The following CRYBA4 variants were observed in gnomAD, a reference collection of about 807,000 sequenced individuals.
CRYBA4 encodes beta-crystallin A4.
In CRYBA4, 30 loss-of-function variants were observed where a neutral mutation model predicts 31.7. The ratio of observed to expected loss-of-function variants is 0.95; its 90% CI spans 0.71 to 1.28. The LOEUF is 1.28. Among genes scored for constraint, CRYBA4 ranks in the 50% most tolerant of loss-of-function variants. The pLI, the probability that CRYBA4 is intolerant of heterozygous loss-of-function variation, is 0.00. For synonymous variants in CRYBA4, 102 were observed against 102.3 expected (o/e 1.00, Z 0.02); for missense variants, 225 against 260.7 (o/e 0.86, Z 0.94).
At chr22:26,610,063 C>A in the CRYBA4 span, among the ~76,000 whole-genome samples, 1 of 152,192 alleles carries the variant, frequency 6.6e-6, no homozygotes, top group Non-Finnish European at 1.5e-5. Context: ...CCAAGTCCCC[C>A]TAAAATCTCC....
the CRYBA4 span, among the ~76,000 whole-genome samples, chr22:26,605,627 C>T: frequency 7.5e-6 from 1 of 133,622 alleles, no homozygotes; most frequent in Non-Finnish European, 1.5e-5. Context: ...TGAGCCAGAA[C>T]GTGCCACTAC....
chr22:26,600,389 G>C, the CRYBA4 span, among the ~76,000 whole-genome samples: 1 of 151,734 alleles, frequency 6.6e-6, no homozygotes, highest in Non-Finnish European at 1.5e-5. Flanking sequence ...GGGACAGAGC[G>C]AGACTCCATC....
At chr22:26,606,203 G>A in the CRYBA4 span, among the ~76,000 whole-genome samples, 3 of 152,136 alleles carry the variant, frequency 2.0e-5, no homozygotes, top group Non-Finnish European at 4.4e-5. Context: ...TAGCAGTGCC[G>A]GAGTTCCAGC....
At chr22:26,599,277 G>C in the CRYBA4 span, 1 of 584,332 alleles carries the variant, frequency 1.7e-6, no homozygotes, top group South Asian at 2.1e-5. Context: ...CAGGCAGAAA[G>C]AACTTTTCAG....
In CRYBA4 at chr22:26,625,502, T is replaced by C; in HGVS notation, c.180T>C (p.Ala60=). The stretch of plus-strand genomic sequence containing the variant: ...GCAGGTGGGTGGGCTTTGAGCATGC[T>C]GGCTTCCAAGGGCAGCAGTACATTC... ...LSGAWVGFEH[A]GFQGQQYILE... is the part of the protein sequence containing the mutation. The change falls in exon 4 of 6, where the codon GCT becomes GCC. Residue 60 remains alanine, a synonymous_variant. Coordinates refer to ENST00000354760, the MANE Select transcript of CRYBA4 (RefSeq NM_001886.3). 1 of 1,614,040 alleles carries C rather than the reference T, an allele frequency of 6.2e-7. No individual in the cohort carries two copies. The highest frequency in any genetic ancestry group is 8.5e-7 in the Non-Finnish European group (1 of 1,180,024).
chr22:26,591,340 A>C, the CRYBA4 span, among the ~76,000 whole-genome samples: 2 of 151,772 alleles, frequency 1.3e-5, no homozygotes, highest in Non-Finnish European at 2.9e-5. Flanking sequence ...GTGTGGTGGT[A>C]CATGCCTGTA....
chr22:26,627,386 TTCTTTC>T (rs1260157748), intron 4 of CRYBA4, among the ~76,000 whole-genome samples: 2 of 81,524 alleles, frequency 2.5e-5, no homozygotes, highest in Non-Finnish European at 4.1e-5. Context: ...CTTTCTTTCT[TTCTTTC>T]TTTCTTTCTT....
At chr22:26,593,659 G>A in the CRYBA4 span, among the ~76,000 whole-genome samples, 10 of 152,068 alleles carry the variant, frequency 6.6e-5, no homozygotes, top group Admixed American at 3.3e-4. Context: ...TTGAGTATCT[G>A]GGATTACAAG....
In CRYBA4 at chr22:26,628,350, G is replaced by C. The variant is rs1339440045; in HGVS notation, c.363G>C (p.Glu121Asp). The change falls in exon 5 of 6, where the codon GAG (glutamate) becomes GAC (aspartate). Residue 121 changes from glutamate (E) to aspartate (D), a missense_variant. Glu to Asp is a conservative substitution (Grantham distance 45). Transcript: ENST00000354760. ...AGAACTTCCTGGGCAAGAAAGGAGA[G>C]CTGAGCGATGACTATCCTTCCCTCC... ...EQENFLGKKG[E>D]LSDDYPSLQA... 6.2e-7 allele frequency: 1 copy of C among 1,613,924 alleles called. No homozygotes were observed. The highest frequency in any genetic ancestry group is 8.5e-7 in the Non-Finnish European group (1 of 1,180,024).
At chr22:26,615,854 G>A in the CRYBA4 span, among the ~76,000 whole-genome samples, 1 of 152,250 alleles carries the variant, frequency 6.6e-6, no homozygotes, top group East Asian at 1.9e-4. Context: ...GCTATTTTAT[G>A]GGCTCCCAGA....
At chr22:26,620,556 C>CTT (rs60318967), upstream of CRYBA4, among the ~76,000 whole-genome samples, 13 of 88,508 alleles carry the variant, frequency 1.5e-4, no homozygotes, top group South Asian at 4.9e-4. Flanking sequence ...TCATGCATTC[C>CTT]TTTTTTTTTT....
chr22:26,618,815 T>A (rs1162146659), upstream of CRYBA4, among the ~76,000 whole-genome samples: 2 of 152,202 alleles, frequency 1.3e-5, no homozygotes, highest in African/African-American at 4.8e-5. Context: ...CTCAGCTGGG[T>A]TGGATATCGG....
chr22:26,591,106 T>C, the CRYBA4 span, among the ~76,000 whole-genome samples: 1 of 152,192 alleles, frequency 6.6e-6, no homozygotes, highest in Non-Finnish European at 1.5e-5. Context: ...GGTGCATGGC[T>C]CACACCTGTG....
intron 2 of CRYBA4, 52 bp downstream of exon 2, chr22:26,622,687 G>A (rs1211448727): frequency 7.6e-7 from 1 of 1,324,406 alleles, no homozygotes; most frequent in Non-Finnish European, 1.1e-6. Flanking sequence ...GAGGGTTCAG[G>A]TCCCCATGAA....
intron 5 of CRYBA4, among the ~76,000 whole-genome samples, chr22:26,629,035 G>T (rs1056390692): frequency 6.6e-6 from 1 of 152,226 alleles, no homozygotes; most frequent in African/African-American, 2.4e-5. Flanking sequence ...AGGGGAGAAT[G>T]AATGCCCCTA....
the CRYBA4 span, among the ~76,000 whole-genome samples, chr22:26,596,012 TC>T: frequency 6.6e-6 from 1 of 152,200 alleles, no homozygotes; most frequent in African/African-American, 2.4e-5. Context: ...GCTCAAGTGA[TC>T]CTCCCACCTT....
chr22:26,617,679 C>G (rs888462436), upstream of CRYBA4, among the ~76,000 whole-genome samples: 8 of 152,166 alleles, frequency 5.3e-5, no homozygotes, highest in African/African-American at 1.7e-4. Flanking sequence ...GCCTATCTGC[C>G]TGTCTGTTTC....
At chr22:26,627,359 C>CCCTCCCTCCCTCCCTT (rs1404229613) in intron 4 of CRYBA4, among the ~76,000 whole-genome samples, 424 of 41,852 alleles carry the variant, frequency 0.01, 36 homozygotes, top group African/African-American at 0.011. Flanking sequence ...CTCCCTCCCT[C>CCCTCCCTCCCTCCCTT]CTTTCTTTCT....
intron 4 of CRYBA4, among the ~76,000 whole-genome samples, chr22:26,627,024 A>G (rs1929720869): frequency 6.6e-6 from 1 of 150,478 alleles, no homozygotes; most frequent in Admixed American, 6.8e-5. Context: ...TTTGTGAATA[A>G]GTCCATTTGT....
Sources: gnomAD v4.1 joint callset for allele counts (sites outside exome capture counted in the v4.1 genomes callset) on GRCh38, gnomAD v4.1.1 for gene constraint, MANE v1.5 for transcripts, NCBI Gene and HGNC (gene_info 2026-07-23, HGNC 2026-07-21) for gene names.